The following DLGAP2 variants were observed in gnomAD, a reference collection of about 807,000 sequenced individuals.
DLGAP2 encodes disks large-associated protein 2.
Under a neutral mutation model 100.3 loss-of-function variants are expected in DLGAP2, and 26 were observed. That is an observed-to-expected ratio of 0.26 (90% CI 0.19 to 0.36). DLGAP2 has a LOEUF of 0.36. Among genes scored for constraint, DLGAP2 ranks in the 10% least tolerant of loss-of-function variants. The pLI, the probability that DLGAP2 is intolerant of heterozygous loss-of-function variation, is 1.00. For missense variants in DLGAP2, 1,858 were observed against 1,453.2 expected (o/e 1.28, Z -4.53); for synonymous variants, 886 against 630.1 (o/e 1.41, Z -6.08).
At chr8:1,217,674 A>G (rs891749276) in intron 2 of DLGAP2, among the ~76,000 whole-genome samples, 2 of 152,142 alleles carry the variant, frequency 1.3e-5, no homozygotes, top group African/African-American at 4.8e-5. Context: ...GCTATATTCC[A>G]AGGAATTTTA....
intron 1 of DLGAP2, among the ~76,000 whole-genome samples, chr8:742,753 C>T (rs1366401897): frequency 6.6e-6 from 1 of 152,068 alleles, no homozygotes; most frequent in Non-Finnish European, 1.5e-5. Flanking sequence ...AGGAATCCTC[C>T]TGCCCTGGCC....
intron 2 of DLGAP2, among the ~76,000 whole-genome samples, chr8:1,033,574 A>C (rs1802033693): frequency 6.6e-6 from 1 of 152,192 alleles, no homozygotes; most frequent in Non-Finnish European, 1.5e-5. Context: ...GGGCCAAGGC[A>C]GGAGGATAGC....
At chr8:737,847 C>T (rs1340804919) in intron 1 of DLGAP2, 22 bp downstream of exon 1, 4 of 376,524 alleles carry the variant, frequency 1.1e-5, no homozygotes, top group Non-Finnish European at 1.9e-5. Flanking sequence ...CGGGGGCTGC[C>T]GGGAGCCGGG....
chr8:944,693 T>A (rs1052243837), intron 2 of DLGAP2, among the ~76,000 whole-genome samples: 1 of 151,518 alleles, frequency 6.6e-6, no homozygotes, highest in Non-Finnish European at 1.5e-5. Flanking sequence ...ATCCAGTGGT[T>A]GGTAACGACT....
At chr8:1,380,358 G>T (rs1019599301) in intron 3 of DLGAP2, 2 of 152,114 alleles carry the variant, frequency 1.3e-5, no homozygotes, top group Admixed American at 1.3e-4. Flanking sequence ...GGAAGCAGCC[G>T]TCTCCAGAAA....
chr8:774,204 T>A (rs931452435), intron 1 of DLGAP2, among the ~76,000 whole-genome samples: 6 of 152,340 alleles, frequency 3.9e-5, no homozygotes, highest in Non-Finnish European at 8.8e-5. Flanking sequence ...TGTTTGTTTT[T>A]TTCTTGTAAA....
intron 2 of DLGAP2, among the ~76,000 whole-genome samples, chr8:1,039,715 C>T (rs574685728): frequency 3.1e-5 from 4 of 130,258 alleles, no homozygotes; most frequent in African/African-American, 6.0e-5. Flanking sequence ...GCTCGGTTTC[C>T]GTGGTCAGCT....
At chr8:895,389 G>C (rs982503887) in intron 1 of DLGAP2, among the ~76,000 whole-genome samples, 29 of 152,244 alleles carry the variant, frequency 1.9e-4, no homozygotes, top group African/African-American at 6.5e-4. Flanking sequence ...AGCATCCCCC[G>C]TGCTGAGACA....
intron 1 of DLGAP2, among the ~76,000 whole-genome samples, chr8:757,358 C>A (rs1046789053): frequency 3.9e-5 from 6 of 152,268 alleles, no homozygotes; most frequent in Admixed American, 3.3e-4. Context: ...TAAGAAGGCC[C>A]CCATGAGATT....
At chr8:1,025,408 A>G (rs1160583958) in intron 2 of DLGAP2, among the ~76,000 whole-genome samples, 1 of 152,218 alleles carries the variant, frequency 6.6e-6, no homozygotes, top group African/African-American at 2.4e-5. Flanking sequence ...ACAAAGATTA[A>G]TAAAATAGGA....
chr8:875,305 C>G (rs1554437594), intron 1 of DLGAP2, among the ~76,000 whole-genome samples: 1 of 152,018 alleles, frequency 6.6e-6, no homozygotes, highest in Non-Finnish European at 1.5e-5. Context: ...CCTCATATGT[C>G]TCTGATATGG....
At position 1,654,953 on chromosome 8, in the gene DLGAP2, C is replaced by T. The variant is rs542445704; in HGVS notation, c.1811-13376C>T. Reference sequence around the variant, plus strand: ...GTGTTCTTCAGAAAATACAAGTTCTCGCCGTGTGATGTGATGTTCAAACCT... The same window carrying T: ...GTGTTCTTCAGAAAATACAAGTTCTTGCCGTGTGATGTGATGTTCAAACCT... On this transcript the variant is annotated intron_variant, in intron 8 of 14. Coordinates refer to ENST00000637795, the MANE Select transcript of DLGAP2 (RefSeq NM_001346810.2). Among the ~76,000 whole-genome samples, 44 of 152,302 alleles carry T rather than the reference C, an allele frequency of 2.9e-4. 1 individual carries two copies. In the South Asian group the frequency reaches 7.9e-3, roughly 27 times the overall value.
intron 3 of DLGAP2, among the ~76,000 whole-genome samples, chr8:1,447,028 T>C (rs999608587): frequency 2.0e-5 from 3 of 152,226 alleles, no homozygotes; most frequent in African/African-American, 7.2e-5. Context: ...TACAATGATG[T>C]CGTCTGCAAA....
Position 993,449 on chromosome 8 carries a change from TG to T in DLGAP2, c.73+85484del, listed in dbSNP as rs1800683153. Reference sequence around the variant, plus strand: ...TCTCTCCCACCTTGCCCAGACCCCCTGCACCCCCATACTCGGAGTTCCTGTT... The same window carrying T: ...TCTCTCCCACCTTGCCCAGACCCCCTCACCCCCATACTCGGAGTTCCTGTT... On this transcript the variant is annotated intron_variant, in intron 2 of 14. Coordinates refer to ENST00000637795, the MANE Select transcript of DLGAP2 (RefSeq NM_001346810.2). 6.6e-5 allele frequency among the ~76,000 whole-genome samples: 2 copies of T among 30,084 alleles called. 1 individual carries two copies. The highest frequency in any genetic ancestry group is 6.9e-4 in the Admixed American group (2 of 2,902). The allele number at this position is 30,084 out of a possible 152,430, so 19.7% of individuals were successfully genotyped here. A position where few individuals can be genotyped will look rare whatever the true frequency, so the allele number is the denominator to read the frequency against.
chr8:896,685 C>T (rs568718572), intron 1 of DLGAP2, among the ~76,000 whole-genome samples: 2 of 152,174 alleles, frequency 1.3e-5, no homozygotes, highest in East Asian at 3.9e-4. Flanking sequence ...TATGGGAGGG[C>T]ATGGCAGGAA....
At chr8:1,218,935 T>C (rs773333783) in intron 2 of DLGAP2, among the ~76,000 whole-genome samples, 5 of 152,174 alleles carry the variant, frequency 3.3e-5, no homozygotes, top group Non-Finnish European at 5.9e-5. Flanking sequence ...TTGGATGTTA[T>C]TGGTGAATAG....
chr8:750,237 C>T (rs866660250), intron 1 of DLGAP2, among the ~76,000 whole-genome samples: 1 of 152,246 alleles, frequency 6.6e-6, no homozygotes, highest in African/African-American at 2.4e-5. Context: ...ACCCTGGCAC[C>T]ACCCGTGGGC....
rs1274030912 is a variant in DLGAP2, at chr8:1,704,291, A to G, written c.*2885A>G. 1 of 152,216 alleles carries G rather than the reference A, an allele frequency of 6.6e-6. No individual in the cohort carries two copies. 9.4% of individuals were successfully genotyped at this position (152,216 alleles called of 1,614,324 possible). A position where few individuals can be genotyped will look rare whatever the true frequency, so the allele number is the denominator to read the frequency against. ...TAGGAACATCATCCTAGAGAGTGTG[A>G]TGTTCACTATAACCCCATACCTACA... is the stretch of plus-strand genomic sequence containing the variant. On this transcript the variant is annotated 3_prime_UTR_variant, in exon 15 of 15. Coordinates refer to ENST00000637795, the MANE Select transcript of DLGAP2 (RefSeq NM_001346810.2).
At chr8:1,194,019 T>G (rs1234483887) in intron 2 of DLGAP2, among the ~76,000 whole-genome samples, 1 of 152,158 alleles carries the variant, frequency 6.6e-6, no homozygotes, top group African/African-American at 2.4e-5. Context: ...TCCTTGGCAT[T>G]ACCGGGACCA....
Sources: gnomAD v4.1 joint callset for allele counts (sites outside exome capture counted in the v4.1 genomes callset) on GRCh38, gnomAD v4.1.1 for gene constraint, MANE v1.5 for transcripts, NCBI Gene and HGNC (gene_info 2026-07-23, HGNC 2026-07-21) for gene names.